NRAP: variants seen among roughly 807,000 people sequenced by gnomAD.
NRAP encodes the protein nebulin related anchoring protein.
In NRAP, 189 loss-of-function variants were observed where a neutral mutation model predicts 225.9. That is an observed-to-expected ratio of 0.84 (90% CI 0.74 to 0.94). The LOEUF is 0.94. Ranked by LOEUF, NRAP falls within the 40% of genes least tolerant of loss-of-function variation. The pLI is 0.00. For missense variants in NRAP, 2,176 were observed against 2,168.7 expected, an observed-to-expected ratio of 1.00 and a Z score of -0.07; for synonymous variants, 769 against 790.7, an observed-to-expected ratio of 0.97 and a Z score of 0.46.
intron 23 of NRAP, among the ~76,000 whole-genome samples, chr10:113,623,301 A>C (rs1448401250): frequency 6.6e-6 from 1 of 152,198 alleles, no homozygotes; most frequent in Non-Finnish European, 1.5e-5. Context: ...CTACTACTAC[A>C]AATAATAAGT....
chr10:113,642,864 C>G (rs1849285981), intron 12 of NRAP, 70 bp downstream of exon 12: 2 of 813,276 alleles, frequency 2.5e-6, no homozygotes, highest in Admixed American at 1.7e-5. Context: ...CATAGACTGT[C>G]CCTCTTAGGA....
At chr10:113,610,416 T>C in intron 31 of NRAP, 43 bp downstream of exon 31, 1 of 895,576 alleles carries the variant, frequency 1.1e-6, no homozygotes, top group South Asian at 1.3e-5. Flanking sequence ...TATCCTCTGC[T>C]GTGGAAATGT....
In NRAP at chr10:113,645,816, C is replaced by A; in HGVS notation, c.1110+9G>T. On this transcript the variant is annotated intron_variant, in intron 11 of 41. Transcript: ENST00000359988. The stretch of plus-strand genomic sequence containing the variant: ...ATGCTCATGGGTGTGACTCTTCCCC[C>A]ATACGCACCTCACTCACGAGTTTGT... The A allele has an allele frequency of 2.2e-6, 3 of 1,381,604 alleles. No homozygotes were observed. The highest frequency in any genetic ancestry group is 2.1e-6 in the Non-Finnish European group (2 of 972,358). The allele number at this position is 1,381,604 out of a possible 1,614,324, so 85.6% of individuals were successfully genotyped here.
At chr10:113,610,369 A>AG in intron 31 of NRAP, 90 bp downstream of exon 31, 1 of 692,734 alleles carries the variant, frequency 1.4e-6, no homozygotes, top group Non-Finnish European at 2.5e-6. Context: ...AAAAAAAAAA[A>AG]AAAAGGAAGA....
chr10:113,658,981 A>G (rs1224329428), intron 3 of NRAP, among the ~76,000 whole-genome samples: 2 of 152,238 alleles, frequency 1.3e-5, no homozygotes, highest in East Asian at 3.9e-4. Flanking sequence ...ACAAGCTCAG[A>G]GAAAAGTTTA....
In NRAP at chr10:113,589,529, G is replaced by A. The variant is rs11575788; in HGVS notation, c.5088+137C>T. On this transcript the variant is annotated intron_variant, in intron 41 of 41. Transcript: ENST00000359988. ...TCATCTCAGACCCATGAAATTAGGC[G>A]CCTTGTTTGAGCTGCGTTTCACACT... 2.6e-3 allele frequency: 2,583 copies of A among 1,004,944 alleles called. 47 individuals are homozygous for A. In the African/African-American group the frequency reaches 0.035, roughly 14 times the overall value. The allele number at this position is 1,004,944 out of a possible 1,614,324, so 62.3% of individuals were successfully genotyped here.
chr10:113,589,188 C>T (rs1592708702), intron 41 of NRAP, 109 bp from the exon 42 acceptor site: 3 of 825,576 alleles, frequency 3.6e-6, no homozygotes, highest in South Asian at 3.4e-5. Context: ...TTAACAGGCT[C>T]ACCCTCCCTT....
At chr10:113,609,479 A>C (rs2105383) in intron 31 of NRAP, among the ~76,000 whole-genome samples, 1 of 152,304 alleles carries the variant, frequency 6.6e-6, no homozygotes, top group African/African-American at 2.4e-5. Flanking sequence ...CCCTGCATCT[A>C]CCATGAATTA....
intron 9 of NRAP, among the ~76,000 whole-genome samples, chr10:113,649,431 T>G (rs1849798817): frequency 6.6e-6 from 1 of 152,226 alleles, no homozygotes; most frequent in African/African-American, 2.4e-5. Flanking sequence ...ATGCTTCCTT[T>G]CTACCCTACA....
At chr10:113,595,751 T>C in intron 37 of NRAP, 24 bp from the exon 38 acceptor site, 2 of 1,495,508 alleles carry the variant, frequency 1.3e-6, no homozygotes, top group Non-Finnish European at 1.9e-6. Context: ...GGGCTCATGG[T>C]AAATAGAGAA....
At position 113,604,639 on chromosome 10, in the gene NRAP, C is replaced by CT; in HGVS notation, c.4196_4197insA (p.Trp1399Ter). The change falls in exon 35 of 42, where the codon TGG becomes TGAG. Residue 1399 changes from tryptophan to a stop codon, truncating the protein, a stop_gained and frameshift_variant. Coordinates refer to ENST00000359988, the MANE Select transcript of NRAP (RefSeq NM_198060.4). LOFTEE classifies it high-confidence loss of function. ...TCTGCAGGGCATGGGCTTTCTTGGC[C>CT]CAGGCCATCTTCAGGTCCTCGGGCA... ...TALPEDLKMA[W>*]AKKAHALQSE... is the part of the protein sequence containing the mutation. 6.2e-7 allele frequency: 1 copy of CT among 1,614,026 alleles called. No individual in the cohort carries two copies.
chr10:113,619,521 C>A (rs1016471006), intron 25 of NRAP, among the ~76,000 whole-genome samples: 1 of 151,892 alleles, frequency 6.6e-6, no homozygotes, highest in South Asian at 2.1e-4. Flanking sequence ...AGTGAGAATG[C>A]CGTTCCATGG....
Position 113,641,654 on chromosome 10 carries a change from C to T in NRAP, c.1216-182G>A, listed in dbSNP as rs946100871. ...TTTTTTAATAACGTAAATTTCAACC[C>T]ATCACAAGAAGTTGGAGTAAGACAG... On this transcript the variant is annotated intron_variant, in intron 12 of 41. Coordinates refer to ENST00000359988, the MANE Select transcript of NRAP (RefSeq NM_198060.4). 1.4e-4 allele frequency among the ~76,000 whole-genome samples: 22 copies of T among 152,130 alleles called. No individual in the cohort carries two copies. In the East Asian group the frequency reaches 4.3e-3, roughly 29 times the overall value.
intron 16 of NRAP, among the ~76,000 whole-genome samples, 174 bp from the exon 17 acceptor site, chr10:113,632,138 A>C (rs1460612921): frequency 6.6e-6 from 1 of 152,228 alleles, no homozygotes; most frequent in African/African-American, 2.4e-5. Flanking sequence ...CCTTCGCTGT[A>C]GAGCTGTGCA....
chr10:113,663,056 T>G (rs1030726156), intron 2 of NRAP, among the ~76,000 whole-genome samples: 1 of 152,188 alleles, frequency 6.6e-6, no homozygotes, highest in Admixed American at 6.5e-5. Flanking sequence ...AAGAAAATAC[T>G]TCAAAGCTCT....
chr10:113,590,760 CCTT>C lies in NRAP; in HGVS notation c.4771_4773del (p.Lys1591del). The C allele has an allele frequency of 6.2e-7, 1 of 1,614,238 alleles. No homozygotes were observed. The highest frequency in any genetic ancestry group is 8.5e-7 in the Non-Finnish European group (1 of 1,180,038). ...AACTGGGACCGACTCTTGGCAAAGT[CCTT>C]CTTGTACTCATTGTCACTCTGGAGC... is the stretch of plus-strand genomic sequence containing the variant. On this transcript the variant is annotated inframe_deletion, in exon 40 of 42. Transcript: ENST00000359988.
chr10:113,589,210 T>C (rs1159139019), intron 41 of NRAP, 131 bp from the exon 42 acceptor site: 1 of 673,888 alleles, frequency 1.5e-6, no homozygotes, highest in Non-Finnish European at 2.5e-6. Context: ...CCTTTTCCCC[T>C]CTTCTACCCT....
At position 113,598,077 on chromosome 10, in the gene NRAP, C is replaced by T. The variant is rs1323206788; in HGVS notation, c.4228-4G>A. On this transcript the variant is annotated splice_region_variant and splice_polypyrimidine_tract_variant and intron_variant, in intron 35 of 41. Transcript: ENST00000359988. ...TCAGGTCTGACTTGTAGCGCAACTG[C>T]AGGGAAAAAAATCATGGGCTTTATC... The T allele has an allele frequency of 1.2e-6, 2 of 1,602,708 alleles. No individual in the cohort carries two copies. The highest frequency in any genetic ancestry group is 1.7e-6 in the Non-Finnish European group (2 of 1,170,202).
chr10:113,590,984 G>T, intron 39 of NRAP, 95 bp from the exon 40 acceptor site: 1 of 1,107,942 alleles, frequency 9.0e-7, no homozygotes. Context: ...CTCAGCAGGA[G>T]GCTCAAGAGT....
Sources: allele counts gnomAD v4.1 joint callset (sites outside exome capture counted in the v4.1 genomes callset), GRCh38; gene constraint gnomAD v4.1.1; transcripts MANE v1.5; gene names NCBI Gene and HGNC (gene_info 2026-07-23, HGNC 2026-07-21).